Variants in DPY19L1 observed in about 807,000 individuals in gnomAD.
DPY19L1 encodes dpy-19 like C-mannosyltransferase 1, also known as protein C-mannosyl-transferase DPY19L1.
A neutral mutation model predicts 96.9 loss-of-function variants in DPY19L1; 35 were observed. The observed-to-expected ratio is 0.36, with a 90% CI of 0.28 to 0.48. The LOEUF (loss-of-function observed/expected upper bound fraction) is 0.48, where lower values mean the gene tolerates loss of function less well. Ranked by LOEUF, DPY19L1 falls within the 20% of genes least tolerant of loss-of-function variation. The probability of loss-of-function intolerance (pLI) is 0.99; values close to 1 mark genes in which losing one functional copy is unlikely to be tolerated. For synonymous variants in DPY19L1, 205 were observed against 252.6 expected (o/e 0.81, Z 1.79); for missense variants, 521 against 777.9 (o/e 0.67, Z 3.93).
chr7:35,013,996 T>C (rs968494619), intron 3 of DPY19L1, among the ~76,000 whole-genome samples: 9 of 152,226 alleles, frequency 5.9e-5, no homozygotes, highest in African/African-American at 1.9e-4. Flanking sequence ...CTATTACTTA[T>C]ACTAATATCA....
chr7:34,957,315 G>C (rs768432049), intron 11 of DPY19L1, among the ~76,000 whole-genome samples: 2 of 152,128 alleles, frequency 1.3e-5, no homozygotes, highest in African/African-American at 2.4e-5. Flanking sequence ...CTGGGAGGCG[G>C]AGTGAGCCAA....
intron 10 of DPY19L1, among the ~76,000 whole-genome samples, chr7:34,962,653 C>T (rs543149818): frequency 1.1e-3 from 167 of 152,076 alleles, no homozygotes; most frequent in African/African-American, 3.9e-3. Context: ...GCCATATTTG[C>T]ACCACTGAAC....
At chr7:34,990,113 C>A (rs1159735862) in intron 6 of DPY19L1, among the ~76,000 whole-genome samples, 172 bp from the exon 7 acceptor site, 1 of 152,126 alleles carries the variant, frequency 6.6e-6, no homozygotes, top group East Asian at 1.9e-4. Flanking sequence ...GATCATTAGT[C>A]AAAATAATCT....
chr7:35,019,949 A>C (rs576826211), intron 1 of DPY19L1, among the ~76,000 whole-genome samples: 1 of 152,266 alleles, frequency 6.6e-6, no homozygotes, highest in Admixed American at 6.5e-5. Flanking sequence ...AGCTGAGGAC[A>C]GGAGTTTAAA....
At chr7:34,976,271 T>C (rs1311278174) in intron 7 of DPY19L1, among the ~76,000 whole-genome samples, 1 of 152,196 alleles carries the variant, frequency 6.6e-6, no homozygotes, top group Non-Finnish European at 1.5e-5. Flanking sequence ...ATGGGAGACT[T>C]AGATGGGCTC....
chr7:34,981,949 CAAAAT>C (rs369893182), intron 7 of DPY19L1, among the ~76,000 whole-genome samples: 5 of 151,780 alleles, frequency 3.3e-5, no homozygotes, highest in South Asian at 2.1e-4. Context: ...GACCCTGTCT[CAAAAT>C]AAAATAAAAT....
At chr7:34,948,957 C>G (rs1784211444) in intron 14 of DPY19L1, among the ~76,000 whole-genome samples, 2 of 152,184 alleles carry the variant, frequency 1.3e-5, no homozygotes, top group Non-Finnish European at 2.9e-5. Flanking sequence ...TGGTCTGGAA[C>G]TCTGGACACT....
chr7:35,029,570 C>G (rs1288491659), intron 1 of DPY19L1, among the ~76,000 whole-genome samples: 1 of 152,180 alleles, frequency 6.6e-6, no homozygotes, highest in Non-Finnish European at 1.5e-5. Flanking sequence ...TCTTGCTTAT[C>G]TTTTAAGTGA....
chr7:35,008,784 T>C (rs1341117382), intron 6 of DPY19L1, among the ~76,000 whole-genome samples: 1 of 152,204 alleles, frequency 6.6e-6, no homozygotes, highest in Non-Finnish European at 1.5e-5. Context: ...ACTTCTCTTA[T>C]GTAAAATCTA....
intron 8 of DPY19L1, among the ~76,000 whole-genome samples, chr7:34,971,447 C>A (rs1245334327): frequency 4.6e-5 from 7 of 152,092 alleles, no homozygotes; most frequent in Non-Finnish European, 8.8e-5. Flanking sequence ...GGAAAGCCAT[C>A]GCAATCAGAA....
intron 7 of DPY19L1, among the ~76,000 whole-genome samples, chr7:34,989,249 G>A (rs1785112920): frequency 6.6e-6 from 1 of 152,138 alleles, no homozygotes; most frequent in African/African-American, 2.4e-5. Flanking sequence ...ACAAAAGAAA[G>A]TTGTATCAAT....
At chr7:34,945,791 A>T in intron 15 of DPY19L1, 75 bp from the exon 16 acceptor site, 1 of 972,588 alleles carries the variant, frequency 1.0e-6, no homozygotes, top group Non-Finnish European at 1.6e-6. Context: ...TATCTTCTAA[A>T]CTGTAAAATA....
chr7:35,030,524 T>C (rs769964257), intron 1 of DPY19L1, among the ~76,000 whole-genome samples: 1 of 152,206 alleles, frequency 6.6e-6, no homozygotes, highest in Non-Finnish European at 1.5e-5. Context: ...ATGTTAACAA[T>C]TGCTGCTTTA....
intron 6 of DPY19L1, among the ~76,000 whole-genome samples, chr7:35,005,234 C>T (rs1469908149): frequency 6.6e-6 from 1 of 151,858 alleles, no homozygotes; most frequent in Non-Finnish European, 1.5e-5. Flanking sequence ...GAGAACGATA[C>T]AAAGAAATGA....
At chr7:34,966,846 G>A in intron 10 of DPY19L1, 48 bp downstream of exon 10, 5 of 1,416,232 alleles carry the variant, frequency 3.5e-6, no homozygotes, top group Non-Finnish European at 4.7e-6. Flanking sequence ...TATTAATCAG[G>A]AGTTTTAAGG....
intron 6 of DPY19L1, among the ~76,000 whole-genome samples, chr7:35,008,890 G>C (rs149833981): frequency 6.6e-6 from 1 of 152,076 alleles, no homozygotes; most frequent in Non-Finnish European, 1.5e-5. Context: ...GGCTCATTAC[G>C]ATGCAAGCAC....
chr7:34,986,184 C>A (rs2128671376), intron 7 of DPY19L1, among the ~76,000 whole-genome samples: 1 of 152,030 alleles, frequency 6.6e-6, no homozygotes, highest in Middle Eastern at 3.4e-3. Context: ...GATGTTGATC[C>A]ACAGATATAA....
intron 3 of DPY19L1, among the ~76,000 whole-genome samples, chr7:35,015,662 T>C (rs962124570): frequency 6.6e-6 from 1 of 152,238 alleles, no homozygotes; most frequent in African/African-American, 2.4e-5. Context: ...TATCATATGA[T>C]GAAGAGATAA....
At chr7:34,980,950 T>C (rs1376258747) in intron 7 of DPY19L1, among the ~76,000 whole-genome samples, 2 of 152,190 alleles carry the variant, frequency 1.3e-5, no homozygotes, top group African/African-American at 4.8e-5. Flanking sequence ...TCCACTCACA[T>C]GAAGCCCCCA....
Sources: allele counts gnomAD v4.1 joint callset (sites outside exome capture counted in the v4.1 genomes callset), GRCh38; gene constraint gnomAD v4.1.1; transcripts MANE v1.5; gene names NCBI Gene and HGNC (gene_info 2026-07-23, HGNC 2026-07-21).